The following DOCK6 variants were observed in gnomAD, a reference collection of about 807,000 sequenced individuals.
The protein encoded by DOCK6 is dedicator of cytokinesis 6.
In DOCK6, 167 loss-of-function variants were observed where a neutral mutation model predicts 230.3. That is an observed-to-expected ratio of 0.73 (90% confidence interval 0.64 to 0.82). DOCK6 has a LOEUF of 0.82. Among genes scored for constraint, DOCK6 ranks in the 40% least tolerant of loss-of-function variants. The pLI, the probability that DOCK6 is intolerant of heterozygous loss-of-function variation, is 0.00. For missense variants in DOCK6, 2,598 were observed against 2,825.8 expected, an observed-to-expected ratio of 0.92 and a Z score of 1.83; for synonymous variants, 1,148 against 1,185.0, an observed-to-expected ratio of 0.97 and a Z score of 0.64.
intron 28 of DOCK6, among the ~76,000 whole-genome samples, chr19:11,219,586 G>A (rs978879445): frequency 1.3e-5 from 2 of 151,550 alleles, no homozygotes; most frequent in Admixed American, 6.6e-5. Context: ...TCAGGAGATC[G>A]AGACCATCCT....
Position 11,199,523 on chromosome 19 carries a change from C to G in DOCK6, c.6118G>C (p.Ala2040Pro). The change falls in exon 48 of 48, where the codon GCA becomes CCA. Residue 2040 changes from alanine (A) to proline (P), a missense_variant. Ala to Pro is a conservative substitution (Grantham distance 27). Transcript: ENST00000294618. ...CAGAGGTCTGCCTTTCGGAAACTTG[C>G]TCTGTTCAAGGAGTTCCTGGAAAAA... ...PPGLRNSLNR[A>P]SFRKADL The G allele has an allele frequency of 6.3e-7, 1 of 1,583,184 alleles. No individual in the cohort carries two copies.
At chr19:11,250,639 C>A (rs145817855) in intron 6 of DOCK6, among the ~76,000 whole-genome samples, 205 of 152,168 alleles carry the variant, frequency 1.3e-3, no homozygotes, top group African/African-American at 4.6e-3. Context: ...ATAGGGTATA[C>A]AATAGGCACC....
chr19:11,262,344 G>A, intron 1 of DOCK6, 53 bp downstream of exon 1: 8 of 1,203,072 alleles, frequency 6.6e-6, no homozygotes, highest in Non-Finnish European at 8.3e-6. Context: ...ACCGCCCCGG[G>A]GCGGAGCCGG....
intron 6 of DOCK6, 93 bp downstream of exon 6, chr19:11,250,781 A>G: frequency 8.0e-7 from 1 of 1,243,236 alleles, no homozygotes; most frequent in South Asian, 1.4e-5. Flanking sequence ...TATATAGTAG[A>G]TGTCCATCTA....
At chr19:11,251,943 C>T (rs943643788) in intron 5 of DOCK6, 176 bp downstream of exon 5, 6 of 912,002 alleles carry the variant, frequency 6.6e-6, no homozygotes, top group Non-Finnish European at 9.9e-6. Flanking sequence ...TCAGTACACC[C>T]TAAGCACTCA....
chr19:11,231,680 G>T (rs1020670676), intron 22 of DOCK6, among the ~76,000 whole-genome samples: 5 of 152,182 alleles, frequency 3.3e-5, no homozygotes, highest in African/African-American at 1.2e-4. Context: ...GCATCCAATT[G>T]CTCAGAGCAT....
At position 11,236,365 on chromosome 19, in the gene DOCK6, CG is replaced by C; in HGVS notation, c.2372del (p.Pro791ArgfsTer8). On this transcript the variant is annotated frameshift_variant, in exon 20 of 48. Transcript: ENST00000294618. LOFTEE classifies it high-confidence loss of function. This position sits in a 1 kb window ranked among gnomAD's most constrained non-coding sequence, Gnocchi z 5.2. ...GCTTACCAATCTGGCCACTGATGAT[CG>C]GGGGCCTGATGACCAGACGCACGAG... is the stretch of plus-strand genomic sequence containing the variant. ...DKLVRLVIRP[P>X]IISGQIVNLG... The C allele has an allele frequency of 1.3e-6, 2 of 1,565,094 alleles. No individual in the cohort carries two copies. The highest frequency in any genetic ancestry group is 2.4e-5 in the East Asian group (1 of 41,938).
At chr19:11,224,911 A>G (rs540032720) in intron 24 of DOCK6, among the ~76,000 whole-genome samples, 628 of 152,096 alleles carry the variant, frequency 4.1e-3, no homozygotes, top group Non-Finnish European at 7.2e-3. Flanking sequence ...AAAAATACAA[A>G]AAATTAGCCA....
intron 1 of DOCK6, among the ~76,000 whole-genome samples, chr19:11,254,649 C>T (rs1011478272): frequency 1.3e-5 from 2 of 151,520 alleles, no homozygotes; most frequent in African/African-American, 4.9e-5. Flanking sequence ...GCCACTGCAC[C>T]CCAACCTGGG....
intron 21 of DOCK6, among the ~76,000 whole-genome samples, chr19:11,234,370 G>A (rs2079814390): frequency 6.7e-6 from 1 of 148,532 alleles, no homozygotes; most frequent in Non-Finnish European, 1.5e-5. Flanking sequence ...GCCTCCCAAA[G>A]TTCTGGGATT....
chr19:11,237,878 C>A, intron 16 of DOCK6, 99 bp from the exon 17 acceptor site: 1 of 1,418,678 alleles, frequency 7.0e-7, no homozygotes, highest in South Asian at 1.3e-5. Context: ...CTAGGCCCCA[C>A]TGTCTCTGCT....
rs1293951648 is a variant in DOCK6, at chr19:11,203,853, A to G, written c.5235+228T>C. 5.1e-6 allele frequency: 3 copies of G among 592,118 alleles called. No individual in the cohort carries two copies. The African/African-American group carries it at 6.0e-5, about 12-fold the overall frequency. 36.7% of individuals were successfully genotyped at this position (592,118 alleles called of 1,614,324 possible). ...GGCAGAGGGAGGGGTGTCTCTGGAGAGCTCCCAGCTGGGTGAGTCACAAGC... is the reference window on the plus strand; with the variant it reads ...GGCAGAGGGAGGGGTGTCTCTGGAGGGCTCCCAGCTGGGTGAGTCACAAGC... On this transcript the variant is annotated intron_variant, in intron 41 of 47. Coordinates refer to ENST00000294618, the MANE Select transcript of DOCK6 (RefSeq NM_020812.4).
At chr19:11,239,134 T>C (rs2079898660) in intron 14 of DOCK6, among the ~76,000 whole-genome samples, 1 of 151,982 alleles carries the variant, frequency 6.6e-6, no homozygotes, top group African/African-American at 2.4e-5. Flanking sequence ...CATATGCAGG[T>C]CTTGGAGATC....
intron 7 of DOCK6, among the ~76,000 whole-genome samples, chr19:11,246,744 T>C (rs1204375190): frequency 1.3e-5 from 2 of 152,192 alleles, no homozygotes. Context: ...GGGTGTCATC[T>C]GCCGCCATTG....
intron 30 of DOCK6, 129 bp downstream of exon 30, chr19:11,216,785 T>C (rs1166282376): frequency 8.7e-6 from 8 of 922,272 alleles, no homozygotes; most frequent in African/African-American, 1.6e-5. Flanking sequence ...TCCACCCCTT[T>C]CCTCTCAGTC....
intron 22 of DOCK6, 61 bp from the exon 23 acceptor site, chr19:11,229,096 G>T: frequency 6.6e-7 from 1 of 1,517,822 alleles, no homozygotes; most frequent in Non-Finnish European, 9.0e-7. Context: ...ACCCCCTCTG[G>T]AGACATGCCA....
At chr19:11,210,209 TCTGTCCACCCCTCAC>T (rs1431961891) in intron 37 of DOCK6, among the ~76,000 whole-genome samples, 3 of 107,244 alleles carry the variant, frequency 2.8e-5, no homozygotes, top group Non-Finnish European at 3.8e-5. Flanking sequence ...TGTCCCCTCA[TCTGTCCACCCCTCAC>T]CTGTCCATCC....
intron 3 of DOCK6, 27 bp from the exon 4 acceptor site, chr19:11,252,577 CA>C: frequency 6.2e-7 from 1 of 1,613,778 alleles, no homozygotes. Flanking sequence ...TCAGGGTAAA[CA>C]GAGACAAGGC....
intron 36 of DOCK6, 49 bp from the exon 37 acceptor site, chr19:11,211,925 G>A (rs2079392854): frequency 1.3e-6 from 2 of 1,570,120 alleles, no homozygotes; most frequent in African/African-American, 1.4e-5. Context: ...AGGAAGTGAA[G>A]GGAGCCAAGG....
Sources: allele counts gnomAD v4.1 joint callset (sites outside exome capture counted in the v4.1 genomes callset), GRCh38; gene constraint gnomAD v4.1.1; non-coding constraint Gnocchi (gnomAD v3.1); transcripts MANE v1.5; gene names NCBI Gene and HGNC (gene_info 2026-07-23, HGNC 2026-07-21).